The following ATP8A2 variants were observed in gnomAD, a reference collection of about 807,000 sequenced individuals.
ATP8A2 encodes the protein ATPase phospholipid transporting 8A2.
Under a neutral mutation model 165.6 loss-of-function variants are expected in ATP8A2, and 100 were observed. The observed-to-expected ratio is 0.60, with a 90% CI of 0.51 to 0.71. The LOEUF is 0.71. Ranked by LOEUF, ATP8A2 falls within the 30% of genes least tolerant of loss-of-function variation. ATP8A2 has a pLI of 0.00. For synonymous variants in ATP8A2, 543 were observed against 548.8 expected (o/e 0.99, Z 0.15); for missense variants, 1,227 against 1,479.5 (o/e 0.83, Z 2.80).
intron 25 of ATP8A2, among the ~76,000 whole-genome samples, chr13:25,748,310 G>A (rs1310526052): frequency 1.3e-5 from 2 of 152,274 alleles, no homozygotes; most frequent in Admixed American, 1.3e-4. Context: ...AAAGTATTTT[G>A]AATGTTCTTT....
chr13:25,755,920 A>G (rs1186375132), intron 25 of ATP8A2, among the ~76,000 whole-genome samples: 1 of 152,166 alleles, frequency 6.6e-6, no homozygotes. Flanking sequence ...AAAAAAACCC[A>G]TATAGAATTT....
intron 2 of ATP8A2, among the ~76,000 whole-genome samples, chr13:25,475,310 T>C (rs1472942455): frequency 3.9e-5 from 6 of 152,220 alleles, no homozygotes; most frequent in Admixed American, 2.0e-4. Context: ...CTAAGGATAA[T>C]GGTCTCCCCC....
intron 33 of ATP8A2, among the ~76,000 whole-genome samples, chr13:25,883,013 T>C (rs967976891): frequency 6.6e-6 from 1 of 152,060 alleles, no homozygotes; most frequent in Admixed American, 6.5e-5. Flanking sequence ...ATTCAAGCTA[T>C]ATATATTTAA....
chr13:25,795,630 T>C (rs766151273), intron 27 of ATP8A2, among the ~76,000 whole-genome samples: 1 of 152,240 alleles, frequency 6.6e-6, no homozygotes, highest in Non-Finnish European at 1.5e-5. Flanking sequence ...ATAGTCAACC[T>C]AATTAGCAAT....
intron 33 of ATP8A2, among the ~76,000 whole-genome samples, chr13:25,878,120 G>T (rs967358874): frequency 1.3e-5 from 2 of 152,214 alleles, no homozygotes; most frequent in African/African-American, 2.4e-5. Flanking sequence ...AGCATGTTCT[G>T]TAGCGTGAAG....
At chr13:25,934,991 A>G (rs1242014243) in intron 33 of ATP8A2, among the ~76,000 whole-genome samples, 1 of 152,194 alleles carries the variant, frequency 6.6e-6, no homozygotes, top group Admixed American at 6.5e-5. Flanking sequence ...AACTTTAGCA[A>G]GAATGTGCCA....
intron 24 of ATP8A2, among the ~76,000 whole-genome samples, chr13:25,608,455 T>A (rs2040574919): frequency 6.6e-6 from 1 of 152,056 alleles, no homozygotes; most frequent in African/African-American, 2.4e-5. Flanking sequence ...TGTTATAAAT[T>A]TGAGCAGTCA....
intron 2 of ATP8A2, among the ~76,000 whole-genome samples, chr13:25,475,363 A>G (rs2035964649): frequency 6.6e-6 from 1 of 152,152 alleles, no homozygotes; most frequent in Non-Finnish European, 1.5e-5. Flanking sequence ...ATTCTTTTTT[A>G]TGGCTGCATA....
At chr13:26,019,813 A>AT in intron 36 of ATP8A2, 75 bp from the exon 37 acceptor site, 1 of 1,075,820 alleles carries the variant, frequency 9.3e-7, no homozygotes, top group Non-Finnish European at 1.4e-6. Flanking sequence ...GCCAAAAAAA[A>AT]GCAGCTTATT....
At chr13:25,514,562 G>T (rs190928024) in intron 2 of ATP8A2, among the ~76,000 whole-genome samples, 141 of 152,296 alleles carry the variant, frequency 9.3e-4, no homozygotes, top group African/African-American at 3.2e-3. Flanking sequence ...GGGTGTAGCA[G>T]CCTGGCTGTG....
At chr13:25,531,326 A>G (rs1358905905) in intron 4 of ATP8A2, among the ~76,000 whole-genome samples, 6 of 79,166 alleles carry the variant, frequency 7.6e-5, no homozygotes, top group African/African-American at 2.9e-4. Context: ...GTTATATATG[A>G]TATATATATG....
At chr13:25,739,217 G>T (rs1030342332) in intron 25 of ATP8A2, among the ~76,000 whole-genome samples, 3 of 152,204 alleles carry the variant, frequency 2.0e-5, no homozygotes, top group Non-Finnish European at 2.9e-5. Context: ...CTAATGCAGG[G>T]CCCAGGGCAC....
chr13:25,570,771 C>T lies in ATP8A2; in HGVS notation c.1478C>T (p.Thr493Ile). ...LLKNIEDRHPTAPCIQEFLTL... is the reference protein window; with the variant it reads ...LLKNIEDRHPIAPCIQEFLTL... ...AATCCCGCCTCACGTTTGCAGCCCACAGCCCCTTGCATTCAGGAGTTCCTC... is the reference window on the plus strand; with the variant it reads ...AATCCCGCCTCACGTTTGCAGCCCATAGCCCCTTGCATTCAGGAGTTCCTC... The change falls in exon 17 of 37, where the codon ACA becomes ATA. Residue 493 changes from threonine to isoleucine, a missense_variant. Around this residue, in one of 5 missense-constraint regions of ATP8A2, gnomAD observed 592 missense variants for 785.6 expected, o/e 0.75. Transcript: ENST00000381655. 6.2e-7 allele frequency: 1 copy of T among 1,613,246 alleles called. No individual in the cohort carries two copies. Among genetic ancestry groups the T allele is most frequent in the South Asian group, 1.1e-5 (1 of 90,930 alleles).
At chr13:25,952,087 C>T (rs183887558) in intron 33 of ATP8A2, among the ~76,000 whole-genome samples, 94 of 152,204 alleles carry the variant, frequency 6.2e-4, no homozygotes, top group Middle Eastern at 3.4e-3. Context: ...GCTGTGGGAT[C>T]GCTTCATTGT....
chr13:25,559,238 A>C (rs1437666995), intron 14 of ATP8A2, among the ~76,000 whole-genome samples, 177 bp downstream of exon 14: 1 of 152,232 alleles, frequency 6.6e-6, no homozygotes, highest in Non-Finnish European at 1.5e-5. Context: ...CAGTTAAAAC[A>C]TGGTTTATTT....
At chr13:25,648,254 CT>C (rs1289364862) in intron 24 of ATP8A2, among the ~76,000 whole-genome samples, 1 of 152,114 alleles carries the variant, frequency 6.6e-6, no homozygotes, top group East Asian at 1.9e-4. Context: ...TCTATGATTT[CT>C]TTCTTTTACA....
chr13:25,705,262 T>G, intron 25 of ATP8A2: 1 of 338,910 alleles, frequency 3.0e-6, no homozygotes, highest in Admixed American at 4.4e-5. Flanking sequence ...TTAAAGTGAC[T>G]GTCTCGTCAG....
intron 24 of ATP8A2, among the ~76,000 whole-genome samples, chr13:25,675,784 A>G (rs974996074): frequency 1.3e-5 from 2 of 152,200 alleles, no homozygotes; most frequent in Non-Finnish European, 2.9e-5. Context: ...CACCTTTGAC[A>G]GGCAGGCTTG....
chr13:25,946,773 A>T (rs989598902), intron 33 of ATP8A2, among the ~76,000 whole-genome samples: 3 of 152,224 alleles, frequency 2.0e-5, no homozygotes, highest in South Asian at 4.1e-4. Flanking sequence ...TTTGAGACAG[A>T]GTCTTACTCT....
Sources: gnomAD v4.1 joint callset for allele counts (sites outside exome capture counted in the v4.1 genomes callset) on GRCh38, gnomAD v4.1.1 for gene constraint, gnomAD v4.1.1 regional missense constraint, MANE v1.5 for transcripts, NCBI Gene and HGNC (gene_info 2026-07-23, HGNC 2026-07-21) for gene names.